Variants in WDR72 observed in about 807,000 individuals in gnomAD.
The protein encoded by WDR72 is WD repeat-containing protein 72.
A neutral mutation model predicts 124.2 loss-of-function variants in WDR72; 120 were observed. The observed-to-expected ratio is 0.97, with a 90% CI of 0.83 to 1.12. The LOEUF (loss-of-function observed/expected upper bound fraction) is 1.12, where lower values mean the gene tolerates loss of function less well. WDR72 is among the 50% of genes most tolerant of loss of function. WDR72 has a pLI of 0.00. For synonymous variants in WDR72, 452 were observed against 441.7 expected (o/e 1.02, Z -0.29); for missense variants, 1,387 against 1,278.8 (o/e 1.08, Z -1.29).
chr15:53,556,713 G>C (rs549164113), intron 18 of WDR72, among the ~76,000 whole-genome samples: 17 of 152,166 alleles, frequency 1.1e-4, no homozygotes, highest in Admixed American at 1.0e-3. Context: ...ATCCACTATA[G>C]CATGCTCATC....
chr15:53,737,608 GATA>G (rs1435638159), intron 1 of WDR72, among the ~76,000 whole-genome samples: 1 of 152,008 alleles, frequency 6.6e-6, no homozygotes, highest in East Asian at 1.9e-4. Context: ...ACCAGAAAAG[GATA>G]ATAGTCTCTA....
At chr15:53,636,723 G>A (rs1827265262) in intron 14 of WDR72, among the ~76,000 whole-genome samples, 1 of 152,104 alleles carries the variant, frequency 6.6e-6, no homozygotes, top group African/African-American at 2.4e-5. Flanking sequence ...TACGTCTTGT[G>A]GGTTCCAAGA....
At chr15:53,666,074 A>G (rs951876422) in intron 13 of WDR72, among the ~76,000 whole-genome samples, 2 of 152,230 alleles carry the variant, frequency 1.3e-5, no homozygotes, top group Non-Finnish European at 2.9e-5. Context: ...CAAGTGATCA[A>G]TAACACATAA....
At chr15:53,728,013 A>G (rs192246641) in intron 2 of WDR72, among the ~76,000 whole-genome samples, 252 of 152,304 alleles carry the variant, frequency 1.7e-3, no homozygotes, top group Middle Eastern at 3.4e-3. Context: ...CAACAGCACA[A>G]TGGGAGACTG....
At chr15:53,537,282 A>G (rs1770969271) in intron 18 of WDR72, among the ~76,000 whole-genome samples, 1 of 152,164 alleles carries the variant, frequency 6.6e-6, no homozygotes, top group South Asian at 2.1e-4. Flanking sequence ...ATGACATTGT[A>G]TAATTATTAG....
At chr15:53,607,092 T>A (rs547048438) in intron 17 of WDR72, among the ~76,000 whole-genome samples, 1 of 152,120 alleles carries the variant, frequency 6.6e-6, no homozygotes, top group African/African-American at 2.4e-5. Context: ...AAACTTCTAG[T>A]AAACATTCAT....
chr15:53,551,068 G>C (rs1274686680), intron 18 of WDR72, among the ~76,000 whole-genome samples: 2 of 152,126 alleles, frequency 1.3e-5, no homozygotes, highest in Non-Finnish European at 2.9e-5. Flanking sequence ...CCTGAAAAAT[G>C]GGCAGAAATT....
chr15:53,673,348 G>A (rs2016058080), intron 13 of WDR72, among the ~76,000 whole-genome samples: 1 of 152,164 alleles, frequency 6.6e-6, no homozygotes, highest in South Asian at 2.1e-4. Flanking sequence ...ATAGTCATTT[G>A]ATGAATCCAT....
Position 53,722,236 on chromosome 15 carries a change from C to T in WDR72, c.260+566G>A, listed in dbSNP as rs190085333. The stretch of plus-strand genomic sequence containing the variant: ...TTTTAATAGAGTCAGGGTTTCGTCA[C>T]GTCGGCCAGGCTGGTCTCAAACTCC... On this transcript the variant is annotated intron_variant, in intron 3 of 19. Transcript: ENST00000360509. Among the ~76,000 whole-genome samples the T allele has an allele frequency of 1.8e-3, 278 of 151,822 alleles. 1 individual carries two copies. Among genetic ancestry groups the T allele is most frequent in the Non-Finnish European group, 3.4e-3 (232 of 67,918 alleles).
At chr15:53,572,355 C>T (rs1595767453) in intron 18 of WDR72, among the ~76,000 whole-genome samples, 1 of 152,026 alleles carries the variant, frequency 6.6e-6, no homozygotes, top group African/African-American at 2.4e-5. Flanking sequence ...AGTTTCAGGT[C>T]TTGTGTTTAA....
chr15:53,721,630 C>T (rs1240408935), intron 3 of WDR72, among the ~76,000 whole-genome samples: 1 of 152,144 alleles, frequency 6.6e-6, no homozygotes, highest in Non-Finnish European at 1.5e-5. Context: ...GTTCAACTAG[C>T]CAGCATATTA....
intron 18 of WDR72, among the ~76,000 whole-genome samples, chr15:53,575,718 C>A (rs1159004526): frequency 6.6e-6 from 1 of 152,126 alleles, no homozygotes; most frequent in Admixed American, 6.6e-5. Flanking sequence ...TTTTTGGGCT[C>A]CTCCTAGATT....
intron 18 of WDR72, among the ~76,000 whole-genome samples, chr15:53,533,819 T>C (rs1892611466): frequency 1.3e-5 from 2 of 152,180 alleles, no homozygotes; most frequent in Non-Finnish European, 2.9e-5. Context: ...TCAAATACTT[T>C]TTATTGAAGA....
chr15:53,747,595 T>C (rs1417941151), intron 1 of WDR72, among the ~76,000 whole-genome samples: 1 of 152,130 alleles, frequency 6.6e-6, no homozygotes. Flanking sequence ...AGAAATCACA[T>C]CTCTTTCATT....
intron 4 of WDR72, among the ~76,000 whole-genome samples, chr15:53,715,974 T>C (rs1595869821): frequency 6.6e-6 from 1 of 152,248 alleles, no homozygotes; most frequent in African/African-American, 2.4e-5. Flanking sequence ...TAATGCATTC[T>C]ACTTTCAACC....
intron 18 of WDR72, among the ~76,000 whole-genome samples, chr15:53,557,722 G>C (rs1431621530): frequency 2.0e-5 from 3 of 151,982 alleles, no homozygotes; most frequent in African/African-American, 7.3e-5. Context: ...GGTGTTCCTA[G>C]ATAATCTCCA....
intron 17 of WDR72, among the ~76,000 whole-genome samples, chr15:53,608,945 G>A (rs1373149072): frequency 6.6e-6 from 1 of 151,854 alleles, no homozygotes; most frequent in Non-Finnish European, 1.5e-5. Flanking sequence ...TAGCACAACA[G>A]GGTGATTATA....
At chr15:53,718,032 G>A (rs1317948989) in intron 3 of WDR72, among the ~76,000 whole-genome samples, 2 of 152,102 alleles carry the variant, frequency 1.3e-5, no homozygotes, top group African/African-American at 4.8e-5. Context: ...ATATTGCAAA[G>A]GTAAAGTAAT....
chr15:53,694,762 A>G (rs2016950857), intron 13 of WDR72, among the ~76,000 whole-genome samples: 1 of 152,238 alleles, frequency 6.6e-6, no homozygotes, highest in South Asian at 2.1e-4. Context: ...TAAAATGGGT[A>G]TAACTATACC....
Sources: gnomAD v4.1 joint callset for allele counts (sites outside exome capture counted in the v4.1 genomes callset) on GRCh38, gnomAD v4.1.1 for gene constraint, MANE v1.5 for transcripts, NCBI Gene and HGNC (gene_info 2026-07-23, HGNC 2026-07-21) for gene names.